PRKCH: variants seen among roughly 807,000 people sequenced by gnomAD.
PRKCH encodes protein kinase C eta type.
A neutral mutation model predicts 82.5 loss-of-function variants in PRKCH; 28 were observed. The ratio of observed to expected loss-of-function variants is 0.34; its 90% CI spans 0.25 to 0.47. PRKCH has a LOEUF of 0.47. Ranked by LOEUF, PRKCH falls within the 20% of genes least tolerant of loss-of-function variation. The pLI is 1.00. For synonymous variants in PRKCH, 322 were observed against 327.4 expected (o/e 0.98, Z 0.18); for missense variants, 705 against 881.8 (o/e 0.80, Z 2.54).
At chr14:61,526,110 G>A (rs1046170665) in intron 10 of PRKCH, among the ~76,000 whole-genome samples, 5 of 152,172 alleles carry the variant, frequency 3.3e-5, no homozygotes, top group African/African-American at 4.8e-5. Flanking sequence ...CCCGTCCTGC[G>A]CTGCTACGAT....
intron 1 of PRKCH, among the ~76,000 whole-genome samples, chr14:61,267,764 T>C (rs1294608273): frequency 2.0e-5 from 3 of 152,186 alleles, no homozygotes; most frequent in African/African-American, 7.2e-5. Flanking sequence ...TTTTCCACTG[T>C]CTTGTTGTTA....
intron 2 of PRKCH, among the ~76,000 whole-genome samples, chr14:61,441,829 T>G (rs1296198129): frequency 2.6e-5 from 4 of 151,974 alleles, no homozygotes; most frequent in Admixed American, 2.6e-4. Context: ...AAAAAAATTT[T>G]TTTAAGAGAT....
At position 61,349,659 on chromosome 14, in the gene PRKCH, G is replaced by C. The variant is rs56098923; in HGVS notation, c.363+27195G>C. Among the ~76,000 whole-genome samples the C allele has an allele frequency of 2.7e-3, 408 of 152,164 alleles. 1 individual carries two copies. Among genetic ancestry groups the C allele is most frequent in the Non-Finnish European group, 4.4e-3 (297 of 68,004 alleles). ...GGGTGGATTACAAGGTCAGGAGTTC[G>C]AGACCAGCCTGGCCAACATGGTGAA... On this transcript the variant is annotated intron_variant, in intron 1 of 13. Transcript: ENST00000332981.
Position 61,280,715 on chromosome 14 carries a change from T to C in PRKCH, c.-19+93047T>C. 1 of 1,579,514 alleles carries C rather than the reference T, an allele frequency of 6.3e-7. No homozygotes were observed. Among genetic ancestry groups the C allele is most frequent in the Non-Finnish European group, 8.6e-7 (1 of 1,166,430 alleles). ...CTGCGCTGGTAGGGGGCGCACTCGTTGACAGGGTGGCGCAGCGCGCTGGGG... is the reference window on the plus strand; with the variant it reads ...CTGCGCTGGTAGGGGGCGCACTCGTCGACAGGGTGGCGCAGCGCGCTGGGG... On this transcript the variant is annotated intron_variant, in intron 1 of 3. Coordinates refer to the PRKCH transcript ENST00000555185. The surrounding 1 kb of genome is among the most constrained non-coding windows in gnomAD (Gnocchi z 5.0).
intron 2 of PRKCH, among the ~76,000 whole-genome samples, chr14:61,399,521 A>G (rs1053580186): frequency 5.9e-5 from 9 of 152,210 alleles, no homozygotes; most frequent in Admixed American, 5.9e-4. Context: ...TAAATAAATA[A>G]TAAGCTGTGA....
intron 1 of PRKCH, among the ~76,000 whole-genome samples, chr14:61,264,992 G>A (rs2045084986): frequency 6.6e-6 from 1 of 152,142 alleles, no homozygotes; most frequent in Non-Finnish European, 1.5e-5. Context: ...GCCACCCAGT[G>A]TTCCTTCCCT....
chr14:61,433,191 T>C (rs1384985158), intron 2 of PRKCH, among the ~76,000 whole-genome samples: 1 of 152,146 alleles, frequency 6.6e-6, no homozygotes, highest in African/African-American at 2.4e-5. Context: ...TTAAAAATCA[T>C]GTTGAATCAG....
chr14:61,536,085 T>A (rs2252456), intron 12 of PRKCH, among the ~76,000 whole-genome samples: 148,521 of 152,348 alleles, frequency 0.97, 72,505 homozygotes, highest in East Asian at 1. Flanking sequence ...CAGAAAGAGC[T>A]AATGATGTGA....
At chr14:61,460,239 T>G (rs1409486335) in intron 9 of PRKCH, among the ~76,000 whole-genome samples, 2 of 152,236 alleles carry the variant, frequency 1.3e-5, no homozygotes, top group Non-Finnish European at 2.9e-5. Context: ...AATGGCTGCA[T>G]AGTACTCCAT....
intron 1 of PRKCH, among the ~76,000 whole-genome samples, chr14:61,341,387 T>G (rs1169599111): frequency 1.3e-5 from 2 of 152,184 alleles, no homozygotes; most frequent in African/African-American, 4.8e-5. Context: ...GTTGAATAAG[T>G]TACATAGAAA....
At chr14:61,505,268 C>T (rs1437225468) in intron 10 of PRKCH, among the ~76,000 whole-genome samples, 1 of 152,046 alleles carries the variant, frequency 6.6e-6, no homozygotes. Flanking sequence ...GTCAAGGTAC[C>T]AGCAGATTTG....
chr14:61,195,439 C>T (rs1210130455), intron 1 of PRKCH, among the ~76,000 whole-genome samples: 1 of 152,176 alleles, frequency 6.6e-6, no homozygotes, highest in Non-Finnish European at 1.5e-5. Context: ...GTTTTGAAGG[C>T]CTACTCTGTG....
chr14:61,353,022 C>T (rs2046102962), intron 1 of PRKCH, among the ~76,000 whole-genome samples: 1 of 152,170 alleles, frequency 6.6e-6, no homozygotes, highest in Non-Finnish European at 1.5e-5. Flanking sequence ...TGGATATTCA[C>T]ACTAAGTGGG....
chr14:61,235,275 C>T (rs1019036869), intron 1 of PRKCH, among the ~76,000 whole-genome samples: 1 of 152,184 alleles, frequency 6.6e-6, no homozygotes, highest in Non-Finnish European at 1.5e-5. Context: ...GCTTTTAGCC[C>T]TGTTCAATTC....
chr14:61,281,201 G>C (rs2045262623), intron 1 of PRKCH: 3 of 1,149,336 alleles, frequency 2.6e-6, no homozygotes, highest in Non-Finnish European at 3.3e-6. Context: ...CCCCGCCGCG[G>C]GGCGCCTCCC....
chr14:61,248,359 C>T (rs576446674), intron 1 of PRKCH, among the ~76,000 whole-genome samples: 1 of 152,230 alleles, frequency 6.6e-6, no homozygotes, highest in Admixed American at 6.5e-5. Flanking sequence ...CTATTTGCTG[C>T]AAGTCAAAAA....
chr14:61,293,752 A>G (rs1020670635), intron 1 of PRKCH, among the ~76,000 whole-genome samples: 4 of 152,232 alleles, frequency 2.6e-5, no homozygotes, highest in African/African-American at 9.6e-5. Context: ...TAGAGCGGTC[A>G]GCCTCTGCTT....
intron 1 of PRKCH, among the ~76,000 whole-genome samples, chr14:61,251,834 CTTT>C (rs796229559): frequency 1.3e-5 from 2 of 148,374 alleles, no homozygotes; most frequent in Non-Finnish European, 3.0e-5. Flanking sequence ...GTATAAGGGT[CTTT>C]TTTTTTTTTT....
chr14:61,395,301 C>CCG (rs1244338303), intron 2 of PRKCH, among the ~76,000 whole-genome samples: 3 of 146,766 alleles, frequency 2.0e-5, no homozygotes, highest in Admixed American at 6.8e-5. Flanking sequence ...CCCCCCCCCG[C>CCG]ATTTGCCTGC....
Sources: gnomAD v4.1 joint callset for allele counts (sites outside exome capture counted in the v4.1 genomes callset) on GRCh38, gnomAD v4.1.1 for gene constraint, Gnocchi (gnomAD v3.1) non-coding constraint, MANE v1.5 for transcripts, NCBI Gene and HGNC (gene_info 2026-07-23, HGNC 2026-07-21) for gene names.